LRR1: variants seen among roughly 807,000 people sequenced by gnomAD.
The protein encoded by LRR1 is leucine-rich repeat protein 1.
A neutral mutation model predicts 31.6 loss-of-function variants in LRR1; 29 were observed. The ratio of observed to expected loss-of-function variants is 0.92; its 90% confidence interval spans 0.68 to 1.25. The LOEUF (loss-of-function observed/expected upper bound fraction) is 1.25, where lower values mean the gene tolerates loss of function less well. Ranked by LOEUF, LRR1 falls within the 50% of genes most tolerant of loss-of-function variation. The pLI is 0.00. For synonymous variants in LRR1, 179 were observed against 181.4 expected, an observed-to-expected ratio of 0.99 and a Z score of 0.10; for missense variants, 485 against 487.2, an observed-to-expected ratio of 1.00 and a Z score of 0.04.
At chr14:49,608,220 T>TA in intron 3 of LRR1, 99 bp downstream of exon 3, 17 of 1,220,190 alleles carry the variant, frequency 1.4e-5, no homozygotes, top group Non-Finnish European at 1.8e-5. Context: ...TACAGTGCTA[T>TA]GCACAGTCTG....
At chr14:49,605,187 A>G (rs1438919042) in intron 2 of LRR1, among the ~76,000 whole-genome samples, 3 of 152,188 alleles carry the variant, frequency 2.0e-5, no homozygotes, top group African/African-American at 7.2e-5. Flanking sequence ...GGTCCACCAC[A>G]TCTGGCCCAA....
At chr14:49,614,227 T>C in intron 3 of LRR1, 29 bp from the exon 4 acceptor site, 1 of 1,591,414 alleles carries the variant, frequency 6.3e-7, no homozygotes, top group African/African-American at 1.3e-5. Flanking sequence ...TAACATGTTA[T>C]AAAATATTTT....
At chr14:49,609,143 T>C (rs913612722) in intron 3 of LRR1, among the ~76,000 whole-genome samples, 4 of 149,712 alleles carry the variant, frequency 2.7e-5, no homozygotes, top group African/African-American at 9.9e-5. Flanking sequence ...GGTCTCGATC[T>C]CCTGACCTCG....
At chr14:49,606,271 C>G (rs1882277748) in intron 2 of LRR1, among the ~76,000 whole-genome samples, 1 of 152,070 alleles carries the variant, frequency 6.6e-6, no homozygotes. Flanking sequence ...AGGTGATCCA[C>G]CCACCTTGGC....
At chr14:49,601,249 C>A (rs1882040023) in intron 1 of LRR1, 1 of 1,256,062 alleles carries the variant, frequency 8.0e-7, no homozygotes, top group South Asian at 1.5e-5. Flanking sequence ...CAGCATCCTG[C>A]ACTTGCCTTG....
chr14:49,602,484 C>A lies in LRR1; in HGVS notation c.282+16C>A. 6.4e-7 allele frequency: 1 copy of A among 1,571,600 alleles called. No individual in the cohort carries two copies. Among genetic ancestry groups the A allele is most frequent in the Non-Finnish European group, 8.7e-7 (1 of 1,143,832 alleles). On this transcript the variant is annotated intron_variant, in intron 2 of 3. Transcript: ENST00000298288. Reference sequence around the variant, plus strand: ...TCTAAGTAAGGTATGGTATTAAAAACATTAATGATTAATATTTGGCTGTAT... The same window carrying A: ...TCTAAGTAAGGTATGGTATTAAAAAAATTAATGATTAATATTTGGCTGTAT...
intron 1 of LRR1, among the ~76,000 whole-genome samples, 163 bp from the exon 2 acceptor site, chr14:49,602,207 T>G (rs1253884242): frequency 1.5e-5 from 2 of 132,056 alleles, no homozygotes; most frequent in Non-Finnish European, 3.1e-5. Flanking sequence ...TGGAGTGCAG[T>G]GGCGTGATAA....
At position 49,607,937 on chromosome 14, in the gene LRR1, C is replaced by T. The variant is rs760052002; in HGVS notation, c.820C>T (p.Leu274Phe). The T allele has an allele frequency of 1.9e-6, 3 of 1,613,890 alleles. No individual in the cohort carries two copies. The highest frequency in any genetic ancestry group is 1.3e-5 in the African/African-American group (1 of 74,908). ...FPCKIGQLINLRFLSAARNKL... is the reference protein window; with the variant it reads ...FPCKIGQLINFRFLSAARNKL... Reference sequence around the variant, plus strand: ...TTGCAAGATAGGACAACTAATAAACCTTCGCTTTTTGTCAGCAGCTCGAAA... The same window carrying T: ...TTGCAAGATAGGACAACTAATAAACTTTCGCTTTTTGTCAGCAGCTCGAAA... The change falls in exon 3 of 4, where the codon CTT becomes TTT. Residue 274 changes from leucine (L) to phenylalanine (F), a missense_variant. Physicochemically the swap from Leu to Phe is conservative, Grantham distance 22. This residue lies in a region of LRR1 where 210 missense variants were observed against 200.4 expected (regional missense o/e 1.05). Transcript: ENST00000298288.
Position 49,600,798 on chromosome 14 carries a change from A to G in LRR1, c.184-1572A>G, listed in dbSNP as rs918080156. The G allele has an allele frequency of 2.6e-5, 21 of 794,494 alleles. No individual in the cohort carries two copies. The African/African-American group carries it at 3.7e-4, about 14-fold the overall frequency. The allele number at this position is 794,494 out of a possible 1,614,324, so 49.2% of individuals were successfully genotyped here. A position where few individuals can be genotyped will look rare whatever the true frequency, so the allele number is the denominator to read the frequency against. On this transcript the variant is annotated intron_variant, in intron 1 of 3. Coordinates refer to ENST00000298288, the MANE Select transcript of LRR1 (RefSeq NM_152329.4). ...CTTAAAGATTTAAGAAGCAGTAAGC[A>G]GCATCTGAAGCCACAATCTATTATA...
chr14:49,601,712 A>T, intron 1 of LRR1: 1 of 1,284,904 alleles, frequency 7.8e-7, no homozygotes, highest in Non-Finnish European at 1.0e-6. Flanking sequence ...GAAAAGGAGC[A>T]TTCTCTCAAA....
intron 1 of LRR1, among the ~76,000 whole-genome samples, 165 bp from the exon 2 acceptor site, chr14:49,602,205 A>G (rs1259229110): frequency 3.2e-5 from 4 of 125,258 alleles, no homozygotes; most frequent in Non-Finnish European, 6.3e-5. Flanking sequence ...CCTGGAGTGC[A>G]GTGGCGTGAT....
chr14:49,612,631 G>T, intron 3 of LRR1: 2 of 1,042,346 alleles, frequency 1.9e-6, no homozygotes, highest in Non-Finnish European at 2.3e-6. Context: ...AAAGGTAACC[G>T]CTGTTTTTTT....
chr14:49,612,572 T>C (rs866012865), intron 3 of LRR1: 3 of 1,182,378 alleles, frequency 2.5e-6, no homozygotes, highest in African/African-American at 1.6e-5. Context: ...ATAAGTCTTT[T>C]TATGAAAAAT....
chr14:49,608,592 A>C (rs4900940), intron 3 of LRR1, among the ~76,000 whole-genome samples: 108,764 of 150,804 alleles, frequency 0.72, 40,358 homozygotes, highest in Non-Finnish European at 0.76. Flanking sequence ...AACCATGTAT[A>C]CCCTGCTCCT....
intron 2 of LRR1, among the ~76,000 whole-genome samples, chr14:49,605,269 T>C (rs1299953105): frequency 3.9e-5 from 6 of 152,236 alleles, no homozygotes; most frequent in African/African-American, 1.4e-4. Context: ...GAGTTTGGAT[T>C]GAATGGAATA....
chr14:49,599,898 ACG>A, intron 1 of LRR1: 1 of 800,538 alleles, frequency 1.2e-6, no homozygotes, highest in Non-Finnish European at 1.7e-6. Flanking sequence ...AGCGGCGGCG[ACG>A]GCGGCGGACC....
In LRR1 at chr14:49,614,385, T is replaced by C. The variant is rs1019137299; in HGVS notation, c.1134T>C (p.Ser378=). The C allele has an allele frequency of 6.2e-7, 1 of 1,614,110 alleles. No homozygotes were observed. Among genetic ancestry groups the C allele is most frequent in the Non-Finnish European group, 8.5e-7 (1 of 1,179,988 alleles). The change falls in exon 4 of 4, where the codon TCT becomes TCC. Residue 378 remains serine, a synonymous_variant. Coordinates refer to ENST00000298288, the MANE Select transcript of LRR1 (RefSeq NM_152329.4). Reference sequence around the variant, plus strand: ...GAACTACTACCATGAATCTGCATTCTGTTGCCCACACTGTGGTCTTAGTAG... The same window carrying C: ...GAACTACTACCATGAATCTGCATTCCGTTGCCCACACTGTGGTCTTAGTAG... ...IQGTTTMNLH[S]VAHTVVLVDN...
At chr14:49,600,634 G>T (rs1203656918) in intron 1 of LRR1, 14 of 1,487,134 alleles carry the variant, frequency 9.4e-6, no homozygotes, top group Non-Finnish European at 1.2e-5. Context: ...CAGTGGCCAA[G>T]GAAACTGTCC....
At chr14:49,614,150 A>G in intron 3 of LRR1, 106 bp from the exon 4 acceptor site, 1 of 1,126,462 alleles carries the variant, frequency 8.9e-7, no homozygotes, top group South Asian at 1.6e-5. Context: ...AAATATACTA[A>G]TCGCTTAATA....
Sources: gnomAD v4.1 joint callset for allele counts (sites outside exome capture counted in the v4.1 genomes callset) on GRCh38, gnomAD v4.1.1 for gene constraint, gnomAD v4.1.1 regional missense constraint, MANE v1.5 for transcripts, NCBI Gene and HGNC (gene_info 2026-07-23, HGNC 2026-07-21) for gene names.